Variants in HECW1 observed in about 807,000 individuals in gnomAD.
HECW1 encodes E3 ubiquitin-protein ligase HECW1.
A neutral mutation model predicts 182.3 loss-of-function variants in HECW1; 61 were observed. The ratio of observed to expected loss-of-function variants is 0.33; its 90% CI spans 0.27 to 0.41. The LOEUF (loss-of-function observed/expected upper bound fraction) is 0.41. Among genes scored for constraint, HECW1 ranks in the 10% least tolerant of loss-of-function variants. The pLI is 1.00. For missense variants in HECW1, 1,739 were observed against 2,108.9 expected (o/e 0.82, Z 3.44); for synonymous variants, 859 against 832.6 (o/e 1.03, Z -0.55).
chr7:43,243,767 A>C lies in HECW1; in HGVS notation c.-31-108A>C. On this transcript the variant is annotated intron_variant, in intron 2 of 29. Transcript: ENST00000395891. This position sits in a 1 kb window ranked among gnomAD's most constrained non-coding sequence, Gnocchi z 4.0. ...CTTTTGCACGTCGGTTGCCCAGGCC[A>C]GGTATCTTGGCGGGGGTGGGGGAAA... 1 of 848,486 alleles carries C rather than the reference A, an allele frequency of 1.2e-6. No individual in the cohort carries two copies. Among genetic ancestry groups the C allele is most frequent in the Non-Finnish European group, 2.0e-6 (1 of 490,304 alleles). 52.6% of individuals were successfully genotyped at this position (848,486 alleles called of 1,614,324 possible). A position where few individuals can be genotyped will look rare whatever the true frequency, so the allele number is the denominator to read the frequency against.
At chr7:43,477,928 G>C (rs1467758709) in intron 16 of HECW1, among the ~76,000 whole-genome samples, 1 of 152,050 alleles carries the variant, frequency 6.6e-6, no homozygotes, top group Non-Finnish European at 1.5e-5. Context: ...GTCATTTAAA[G>C]CTGATATGAC....
At chr7:43,331,964 G>C (rs1811553730) in intron 5 of HECW1, among the ~76,000 whole-genome samples, 1 of 152,168 alleles carries the variant, frequency 6.6e-6, no homozygotes. Context: ...ACAGTTATGG[G>C]ACAGGACTTT....
chr7:43,361,369 T>G (rs1334052862), intron 6 of HECW1, among the ~76,000 whole-genome samples: 1 of 152,260 alleles, frequency 6.6e-6, no homozygotes, highest in African/African-American at 2.4e-5. Context: ...TTTTTATTTC[T>G]TTTAGTCTTG....
At chr7:43,361,028 T>A in intron 6 of HECW1, 48 bp downstream of exon 6, 1 of 1,328,572 alleles carries the variant, frequency 7.5e-7, no homozygotes, top group Non-Finnish European at 1.1e-6. Context: ...CTGGTCTTTC[T>A]TCACTTTCCT....
At chr7:43,561,331 C>T (rs746239125) in intron 29 of HECW1, among the ~76,000 whole-genome samples, 9 of 152,188 alleles carry the variant, frequency 5.9e-5, no homozygotes, top group Non-Finnish European at 1.2e-4. Flanking sequence ...GACTTGTCTC[C>T]AGAGCACACT....
intron 5 of HECW1, among the ~76,000 whole-genome samples, chr7:43,323,411 TG>T (rs959810917): frequency 1.3e-5 from 2 of 152,044 alleles, no homozygotes; most frequent in African/African-American, 4.8e-5. Context: ...CTGGGCAATG[TG>T]GAAAAACCCC....
intron 15 of HECW1, 104 bp from the exon 16 acceptor site, chr7:43,468,816 T>G (rs1452931515): frequency 1.0e-6 from 1 of 979,342 alleles, no homozygotes; most frequent in East Asian, 2.5e-5. Context: ...AATAAACTGC[T>G]GTGTCACAAT....
At chr7:43,454,893 CT>C (rs1265829002) in intron 12 of HECW1, among the ~76,000 whole-genome samples, 3 of 152,170 alleles carry the variant, frequency 2.0e-5, no homozygotes, top group Non-Finnish European at 4.4e-5. Context: ...GCTTTTCCTT[CT>C]TCTTCTTTAG....
rs559806958 is a variant in HECW1 at position 43,215,913 on chromosome 7, G to A, written c.-31-27962G>A. On this transcript the variant is annotated intron_variant, in intron 2 of 29. Transcript: ENST00000395891. The stretch of plus-strand genomic sequence containing the variant: ...TGCTGTGTCTCCAAGGACGTATAGG[G>A]CCAGTGTTCAGAGACCAGGCAGAGG... Among the ~76,000 whole-genome samples, 556 of 152,236 alleles carry A rather than the reference G, an allele frequency of 3.7e-3. 2 individuals are homozygous for A. Among genetic ancestry groups the A allele is most frequent in the Non-Finnish European group, 5.6e-3 (381 of 68,008 alleles).
chr7:43,294,793 A>G (rs1805831668), intron 3 of HECW1, among the ~76,000 whole-genome samples: 1 of 152,184 alleles, frequency 6.6e-6, no homozygotes, highest in African/African-American at 2.4e-5. Flanking sequence ...CAATCAATTT[A>G]GAAAGTTTAT....
chr7:43,316,060 A>G (rs1169504749), intron 4 of HECW1, among the ~76,000 whole-genome samples: 7 of 152,112 alleles, frequency 4.6e-5, no homozygotes. Flanking sequence ...AATCATAGCT[A>G]TGATTTTTAT....
intron 2 of HECW1, among the ~76,000 whole-genome samples, chr7:43,229,496 G>T (rs1186253306): frequency 6.6e-6 from 1 of 151,674 alleles, no homozygotes; most frequent in Non-Finnish European, 1.5e-5. Context: ...GTGGGAGGGG[G>T]AGGGGAGCAG....
In HECW1 at chr7:43,533,644, C is replaced by T. The variant is rs113829179; in HGVS notation, c.4020-7519C>T. Among the ~76,000 whole-genome samples, 270 of 152,308 alleles carry T rather than the reference C, an allele frequency of 1.8e-3. 2 individuals carry two copies. Among genetic ancestry groups the T allele is most frequent in the African/African-American group, 6.3e-3 (262 of 41,560 alleles). ...AGTGGTTAGAAGAGGCCTTTATAGA[C>T]TAACGACTGCGTGCAGGGTTTTTAA... On this transcript the variant is annotated intron_variant, in intron 24 of 29. Transcript: ENST00000395891.
chr7:43,155,389 GA>G (rs1338888456), intron 2 of HECW1, among the ~76,000 whole-genome samples: 1 of 151,940 alleles, frequency 6.6e-6, no homozygotes, highest in East Asian at 1.9e-4. Context: ...AGACTTTGGG[GA>G]CAAAAAAGGT....
intron 29 of HECW1, 105 bp from the exon 30 acceptor site, chr7:43,561,710 C>T (rs2082213545): frequency 2.7e-6 from 2 of 729,694 alleles, no homozygotes; most frequent in Non-Finnish European, 4.7e-6. Context: ...CATGGTCCTG[C>T]TCACTTTTGA....
chr7:43,526,382 T>C (rs1452596977), intron 24 of HECW1, among the ~76,000 whole-genome samples: 1 of 151,878 alleles, frequency 6.6e-6, no homozygotes, highest in Non-Finnish European at 1.5e-5. Flanking sequence ...CACTAAGTAT[T>C]CCAGCAGTTA....
chr7:43,370,952 A>G (rs1326168067), intron 6 of HECW1, among the ~76,000 whole-genome samples: 1 of 151,390 alleles, frequency 6.6e-6, no homozygotes, highest in Non-Finnish European at 1.5e-5. Context: ...CAGTGGCGCA[A>G]TCTCGGCCCA....
chr7:43,537,553 T>C (rs1206579993), intron 24 of HECW1, among the ~76,000 whole-genome samples: 1 of 152,142 alleles, frequency 6.6e-6, no homozygotes, highest in African/African-American at 2.4e-5. Context: ...GAAGGTGTTT[T>C]CTCATTCATG....
Position 43,492,179 on chromosome 7 carries a change from G to T in HECW1, c.3339G>T (p.Leu1113=), listed in dbSNP as rs2078957541. The T allele has an allele frequency of 6.3e-7, 1 of 1,592,044 alleles. No homozygotes were observed. The highest frequency in any genetic ancestry group is 8.5e-7 in the Non-Finnish European group (1 of 1,170,038). ...AACATCAACATGAGTCATTGCCACTGGGTATGTATCATGCTTGTTTGAGCC... is the reference window on the plus strand; with the variant it reads ...AACATCAACATGAGTCATTGCCACTTGGTATGTATCATGCTTGTTTGAGCC... ...RSQHQHESLP[L]AYNDKIVAFL... The change falls in exon 18 of 30, where the codon CTG becomes CTT. Residue 1113 remains leucine, a splice_region_variant and synonymous_variant. Transcript: ENST00000395891.
Sources: gnomAD v4.1 joint callset for allele counts (sites outside exome capture counted in the v4.1 genomes callset) on GRCh38, gnomAD v4.1.1 for gene constraint, Gnocchi (gnomAD v3.1) non-coding constraint, MANE v1.5 for transcripts, NCBI Gene and HGNC (gene_info 2026-07-23, HGNC 2026-07-21) for gene names.